GCN1: variants seen among roughly 807,000 people sequenced by gnomAD.
GCN1 encodes the protein GCN1 activator of EIF2AK4.
A neutral mutation model predicts 288.4 loss-of-function variants in GCN1; 90 were observed. The ratio of observed to expected loss-of-function variants is 0.31; its 90% CI spans 0.26 to 0.37. The LOEUF (loss-of-function observed/expected upper bound fraction) is 0.37. GCN1 is among the 10% of genes least tolerant of loss of function. GCN1 has a pLI of 1.00. For synonymous variants in GCN1, 1,386 were observed against 1,420.2 expected (o/e 0.98, Z 0.54); for missense variants, 2,586 against 3,419.9 (o/e 0.76, Z 6.08).
At position 120,153,073 on chromosome 12, in the gene GCN1, G is replaced by C. The variant is rs906333405; in HGVS notation, c.4062+140C>G. 6.0e-6 allele frequency: 4 copies of C among 663,968 alleles called. No individual in the cohort carries two copies. The Admixed American group carries it at 8.5e-5, about 14-fold the overall frequency. 41.1% of individuals were successfully genotyped at this position (663,968 alleles called of 1,614,324 possible). On this transcript the variant is annotated intron_variant, in intron 33 of 57. Transcript: ENST00000300648. The surrounding 1 kb of genome is among the most constrained non-coding windows in gnomAD (Gnocchi z 4.4). ...GACTATAAACCAGGCTCTCCCCTGCGAGAGGGGGTGAATCCTTAACAAGAA... is the reference window on the plus strand; with the variant it reads ...GACTATAAACCAGGCTCTCCCCTGCCAGAGGGGGTGAATCCTTAACAAGAA...
chr12:120,183,457 G>A, intron 5 of GCN1, 112 bp downstream of exon 5: 1 of 729,854 alleles, frequency 1.4e-6, no homozygotes, highest in East Asian at 2.5e-5. Context: ...AACTCAGAGT[G>A]TCTGGTCACC....
Position 120,160,190 on chromosome 12 carries a change from C to T in GCN1, c.2502G>A (p.Leu834=), listed in dbSNP as rs764421018. Residue 834 remains leucine (L), a synonymous_variant, in exon 23 of 58, where the codon CTG becomes CTA. Coordinates refer to ENST00000300648, the MANE Select transcript of GCN1 (RefSeq NM_006836.2). ...GCGCCTCCCTGTCTAGCTGGGCCTG[C>T]AGCATCTCCTTCTGCTTGCTGGTCA... The part of the protein sequence containing the change: ...VQLTSKQKEM[L]QAQLDREAQV... 3 of 1,612,270 alleles carry T rather than the reference C, an allele frequency of 1.9e-6. No homozygotes were observed. Among genetic ancestry groups the T allele is most frequent in the Non-Finnish European group, 2.5e-6 (3 of 1,179,946 alleles).
chr12:120,138,174 G>A (rs1322350237), intron 47 of GCN1, 130 bp from the exon 48 acceptor site: 2 of 971,216 alleles, frequency 2.1e-6, no homozygotes, highest in Non-Finnish European at 3.2e-6. Context: ...AGCATATCTT[G>A]GAAGACAACA....
At chr12:120,169,708 T>G (rs1247688007) in intron 15 of GCN1, among the ~76,000 whole-genome samples, 2 of 152,320 alleles carry the variant, frequency 1.3e-5, no homozygotes, top group African/African-American at 4.8e-5. Context: ...TTCACCATGT[T>G]GGCCAGAATG....
rs150556320 is a variant in GCN1, at chr12:120,127,750, C to T, written c.*99G>A. 847 of 1,300,070 alleles carry T rather than the reference C, an allele frequency of 6.5e-4. 2 individuals are homozygous for T. In the African/African-American group the frequency reaches 8.2e-3, roughly 13 times the overall value. 80.5% of individuals were successfully genotyped at this position (1,300,070 alleles called of 1,614,324 possible). A position where few individuals can be genotyped will look rare whatever the true frequency, so the allele number is the denominator to read the frequency against. ...TTGATATTAAAATACTTTCTGGGAA[C>T]GCCATCTTCCAAGCTCCCCATTGGA... On this transcript the variant is annotated 3_prime_UTR_variant, in exon 58 of 58. Transcript: ENST00000300648.
In GCN1 at chr12:120,174,103, G is replaced by A. The variant is rs1282316810; in HGVS notation, c.1160C>T (p.Ala387Val). 1.2e-6 allele frequency: 2 copies of A among 1,606,080 alleles called. No homozygotes were observed. ...CTGAAGGAACGGGATGAACAGCTCA[G>A]CCACGATCCCATTCAGGACCTGACT... is the stretch of plus-strand genomic sequence containing the variant. ...PSSQVLNGIV[A>V]ELFIPFLQQE... Residue 387 changes from alanine (A) to valine (V), a missense_variant, in exon 13 of 58, where the codon GCT becomes GTT. Transcript: ENST00000300648.
intron 33 of GCN1, among the ~76,000 whole-genome samples, chr12:120,152,029 T>C (rs1877571994): frequency 6.6e-6 from 1 of 152,130 alleles, no homozygotes; most frequent in Non-Finnish European, 1.5e-5. Flanking sequence ...TTTTTTGTTG[T>C]TTTTTGTTTT....
At chr12:120,132,985 AAT>A (rs1254489344) in intron 53 of GCN1, among the ~76,000 whole-genome samples, 1 of 152,216 alleles carries the variant, frequency 6.6e-6, no homozygotes, top group African/African-American at 2.4e-5. Context: ...GTAAAATGCA[AAT>A]ATGTTTCAAT....
At position 120,159,910 on chromosome 12, in the gene GCN1, C is replaced by T. The variant is rs757332997; in HGVS notation, c.2664G>A (p.Leu888=). The part of the protein sequence containing the change: ...PVLVDSFLPL[L]KSPLAAPRIK... ...TCCTGGGAGCAGCCAGGGGAGACTTCAGCAAGGGCAGAAAAGAGTCGACCA... is the reference window on the plus strand; with the variant it reads ...TCCTGGGAGCAGCCAGGGGAGACTTTAGCAAGGGCAGAAAAGAGTCGACCA... The change falls in exon 24 of 58, where the codon CTG becomes CTA. Residue 888 remains leucine, a synonymous_variant. Coordinates refer to ENST00000300648, the MANE Select transcript of GCN1 (RefSeq NM_006836.2). 20 of 1,614,036 alleles carry T rather than the reference C, an allele frequency of 1.2e-5. No homozygotes were observed. In the African/African-American group the frequency reaches 1.9e-4, roughly 15 times the overall value.
chr12:120,150,728 G>A (rs796871458), intron 34 of GCN1, among the ~76,000 whole-genome samples: 1 of 152,056 alleles, frequency 6.6e-6, no homozygotes, highest in African/African-American at 2.4e-5. Context: ...ACGAGGTCAG[G>A]AGATCGAGAC....
intron 13 of GCN1, 91 bp from the exon 14 acceptor site, chr12:120,173,917 G>A (rs1878387997): frequency 8.7e-7 from 1 of 1,150,046 alleles, no homozygotes; most frequent in Admixed American, 1.9e-5. Flanking sequence ...CAGAGTACAA[G>A]CGGGAGGAAG....
chr12:120,173,934 T>C (rs1878388429), intron 13 of GCN1, 108 bp from the exon 14 acceptor site: 4 of 1,060,470 alleles, frequency 3.8e-6, no homozygotes, highest in Non-Finnish European at 4.3e-6. Flanking sequence ...GAAGCAGTGA[T>C]ATTTCAGACA....
intron 7 of GCN1, 83 bp from the exon 8 acceptor site, chr12:120,177,835 C>T (rs1380623528): frequency 1.2e-5 from 12 of 992,296 alleles, no homozygotes; most frequent in Non-Finnish European, 1.8e-5. Flanking sequence ...TGTGAGAGTG[C>T]CTCCAAAAAA....
chr12:120,155,530 TCA>T lies in GCN1; in HGVS notation c.3440+60_3440+61del. The T allele has an allele frequency of 6.2e-7, 1 of 1,608,544 alleles. No homozygotes were observed. Among genetic ancestry groups the T allele is most frequent in the South Asian group, 1.1e-5 (1 of 90,940 alleles). On this transcript the variant is annotated intron_variant, in intron 29 of 57. Coordinates refer to ENST00000300648, the MANE Select transcript of GCN1 (RefSeq NM_006836.2). This position sits in a 1 kb window ranked among gnomAD's most constrained non-coding sequence, Gnocchi z 4.9. ...CCACTGGAGGCTGAGCACACTGGGT[TCA>T]GTTATTTCCTAAAGGAAGAGAGGAT...
chr12:120,180,035 A>G (rs997806195), intron 5 of GCN1, among the ~76,000 whole-genome samples: 1 of 152,196 alleles, frequency 6.6e-6, no homozygotes, highest in Non-Finnish European at 1.5e-5. Context: ...TGCCAGGCCT[A>G]GTGGCTCACA....
intron 5 of GCN1, 56 bp from the exon 6 acceptor site, chr12:120,179,006 T>C (rs1878567532): frequency 7.1e-7 from 1 of 1,416,950 alleles, no homozygotes; most frequent in Non-Finnish European, 9.8e-7. Flanking sequence ...GAGGGTCCCA[T>C]GGCTCTCATA....
At chr12:120,151,088 T>G (rs1482947288) in intron 34 of GCN1, 57 bp downstream of exon 34, 7 of 1,585,232 alleles carry the variant, frequency 4.4e-6, no homozygotes, top group Non-Finnish European at 6.0e-6. Context: ...TTCCTTCCTC[T>G]GGCAACCTGG....
At chr12:120,150,119 AACCTCCCTGCC>A (rs979042638) in intron 34 of GCN1, 76 bp from the exon 35 acceptor site, 1 of 1,469,388 alleles carries the variant, frequency 6.8e-7, no homozygotes, top group African/African-American at 1.4e-5. Context: ...AAGGGACAGC[AACCTCCCTGCC>A]ACCTCCCACC....
chr12:120,161,459 C>A lies in GCN1; in HGVS notation c.2436+31G>T, dbSNP rs776816756. The A allele has an allele frequency of 2.7e-6, 4 of 1,472,682 alleles. No individual in the cohort carries two copies. The Admixed American group carries it at 5.0e-5, about 19-fold the overall frequency. The allele number at this position is 1,472,682 out of a possible 1,614,324, so 91.2% of individuals were successfully genotyped here. ...AGCTTGAGGCCACCAAGCTCAGCAG[C>A]CACCTTCCGTAAGTGCCTCCGTGTA... On this transcript the variant is annotated intron_variant, in intron 22 of 57. Transcript: ENST00000300648.
Sources: gnomAD v4.1 joint callset for allele counts (sites outside exome capture counted in the v4.1 genomes callset) on GRCh38, gnomAD v4.1.1 for gene constraint, Gnocchi (gnomAD v3.1) non-coding constraint, MANE v1.5 for transcripts, NCBI Gene and HGNC (gene_info 2026-07-23, HGNC 2026-07-21) for gene names.